The following PCDH11X variants were observed in gnomAD, a reference collection of about 807,000 sequenced individuals.
PCDH11X encodes the protein protocadherin 11 X-linked, also known as protocadherin-11 X-linked.
PCDH11X carries 18 observed loss-of-function variants against 53.3 expected under a neutral mutation model. The ratio of observed to expected loss-of-function variants is 0.34; its 90% CI spans 0.23 to 0.50. The LOEUF (loss-of-function observed/expected upper bound fraction) is 0.50, where lower values mean the gene tolerates loss of function less well. PCDH11X is among the 20% of genes least tolerant of loss of function. The probability of loss-of-function intolerance (pLI) is 0.98; values close to 1 mark genes in which losing one functional copy is unlikely to be tolerated. For missense variants in PCDH11X, 570 were observed against 1,032.4 expected, an observed-to-expected ratio of 0.55 and a Z score of 6.14; for synonymous variants, 279 against 393.3, an observed-to-expected ratio of 0.71 and a Z score of 3.44.
intron 10 of PCDH11X, among the ~76,000 whole-genome samples, chrX:92,575,211 A>T (rs1343125719): frequency 9.1e-6 from 1 of 110,428 alleles, no homozygotes; most frequent in Non-Finnish European, 1.9e-5. Flanking sequence ...AAATAAACAA[A>T]TGCATAGTTT....
At chrX:92,506,636 GTT>G (rs201535023) in intron 10 of PCDH11X, among the ~76,000 whole-genome samples, 29 of 89,205 alleles carry the variant, frequency 3.3e-4, no homozygotes, top group Admixed American at 7.4e-4. Context: ...CAGTTTGCTA[GTT>G]TTTTTTTTTT....
At chrX:91,844,596 T>A (rs1170573925) in intron 5 of PCDH11X, among the ~76,000 whole-genome samples, 1 of 109,859 alleles carries the variant, frequency 9.1e-6, no homozygotes, top group Admixed American at 1.0e-4. Flanking sequence ...GACTGTTTTT[T>A]TTTTCCAGTA....
chrX:92,101,246 G>C (rs1461040907), intron 6 of PCDH11X, among the ~76,000 whole-genome samples: 1 of 111,120 alleles, frequency 9.0e-6, no homozygotes, highest in Admixed American at 9.6e-5. Context: ...AAAATAGTAG[G>C]GATGACAAGT....
At chrX:92,548,036 AAGG>A (rs2074888535) in intron 10 of PCDH11X, among the ~76,000 whole-genome samples, 2 of 110,589 alleles carry the variant, frequency 1.8e-5, no homozygotes, top group South Asian at 7.8e-4. Context: ...CCTTTTTAAA[AAGG>A]AGATGATCTG....
At chrX:92,104,069 TA>T (rs1456342749) in intron 6 of PCDH11X, among the ~76,000 whole-genome samples, 1 of 111,482 alleles carries the variant, frequency 9.0e-6, no homozygotes. Context: ...GCCTAAACAC[TA>T]TCTGATTTGG....
At chrX:92,090,141 G>A (rs954701546) in intron 6 of PCDH11X, among the ~76,000 whole-genome samples, 2 of 110,930 alleles carry the variant, frequency 1.8e-5, no homozygotes, top group Non-Finnish European at 3.8e-5. Context: ...AATAGATTCC[G>A]TTCATGAGGA....
intron 6 of PCDH11X, among the ~76,000 whole-genome samples, chrX:92,072,931 T>A (rs1351445582): frequency 2.7e-5 from 3 of 111,269 alleles, no homozygotes; most frequent in African/African-American, 9.8e-5. Context: ...TAGAGCACGT[T>A]AGCTTGTGGT....
rs190257163 is a variant in PCDH11X, at chrX:92,223,622, G to T, written c.3114+22167G>T. Reference sequence around the variant, plus strand: ...CATAAGAACTTGGGCTTTGAGGTCAGATAATTTTGGGTTTGAATACCAATG... The same window carrying T: ...CATAAGAACTTGGGCTTTGAGGTCATATAATTTTGGGTTTGAATACCAATG... On this transcript the variant is annotated intron_variant, in intron 7 of 10. Coordinates refer to ENST00000682573, the MANE Select transcript of PCDH11X (RefSeq NM_032968.5). 2.7e-5 allele frequency among the ~76,000 whole-genome samples: 3 copies of T among 112,051 alleles called. No individual in the cohort carries two copies. In the East Asian group the frequency reaches 8.4e-4, roughly 32 times the overall value.
At chrX:92,507,962 G>A (rs5942269) in intron 10 of PCDH11X, among the ~76,000 whole-genome samples, 13,367 of 108,204 alleles carry the variant, frequency 0.12, 676 homozygotes, top group African/African-American at 0.19. Context: ...ACAGGCGCCC[G>A]CCACCATACA....
At chrX:92,014,793 C>A (rs763990489) in intron 6 of PCDH11X, among the ~76,000 whole-genome samples, 6 of 111,238 alleles carry the variant, frequency 5.4e-5, no homozygotes, top group South Asian at 7.6e-4. Context: ...GGAGAAAAAA[C>A]CAAACACCGC....
chrX:92,571,536 C>T lies in PCDH11X; in HGVS notation c.3368-46728C>T, dbSNP rs1238921194. Among the ~76,000 whole-genome samples the T allele has an allele frequency of 1.3e-4, 14 of 107,515 alleles. 1 individual carries two copies. The East Asian group carries it at 4.0e-3, about 31-fold the overall frequency. The allele number at this position is 107,515 out of a possible 115,157, so 93.4% of individuals were successfully genotyped here. Reference sequence around the variant, plus strand: ...GTGTGGAGTTTGTTGGAGCATAACTCAAAATTGTATGCAAAGAAAGCAGTC... The same window carrying T: ...GTGTGGAGTTTGTTGGAGCATAACTTAAAATTGTATGCAAAGAAAGCAGTC... On this transcript the variant is annotated intron_variant, in intron 10 of 10. Coordinates refer to ENST00000682573, the MANE Select transcript of PCDH11X (RefSeq NM_032968.5).
At chrX:92,107,830 G>C (rs1408069680) in intron 6 of PCDH11X, among the ~76,000 whole-genome samples, 2 of 112,102 alleles carry the variant, frequency 1.8e-5, no homozygotes, top group Non-Finnish European at 3.8e-5. Context: ...ATGGGCCATG[G>C]TCACTCATAT....
chrX:92,315,341 A>G (rs1603268022), intron 8 of PCDH11X, among the ~76,000 whole-genome samples: 1 of 111,475 alleles, frequency 9.0e-6, no homozygotes. Context: ...AGATATTTAA[A>G]ACCTTCTTTT....
In PCDH11X at chrX:92,045,769, G is replaced by A. The variant is rs370771507; in HGVS notation, c.3034-155606G>A. On this transcript the variant is annotated intron_variant, in intron 6 of 10. Coordinates refer to ENST00000682573, the MANE Select transcript of PCDH11X (RefSeq NM_032968.5). ...AGCCTGGCCAACATGGTGAAACCCC[G>A]ACTCTACTAAAAATACAAAAATCAG... 4.4e-4 allele frequency among the ~76,000 whole-genome samples: 47 copies of A among 107,939 alleles called. No homozygotes were observed. In the East Asian group the frequency reaches 8.5e-3, roughly 20 times the overall value. The allele number at this position is 107,939 out of a possible 115,157, so 93.7% of individuals were successfully genotyped here. A position where few individuals can be genotyped will look rare whatever the true frequency, so the allele number is the denominator to read the frequency against.
In PCDH11X at chrX:92,304,548, G is replaced by A. The variant is rs189812517; in HGVS notation, c.3144+41405G>A. ...AATTCAAAGTAAAATAGACAATATTGTATAAGAAAAACACTAGTCTTAGGA... is the reference window on the plus strand; with the variant it reads ...AATTCAAAGTAAAATAGACAATATTATATAAGAAAAACACTAGTCTTAGGA... On this transcript the variant is annotated intron_variant, in intron 8 of 10. Transcript: ENST00000682573. 7.7e-4 allele frequency among the ~76,000 whole-genome samples: 86 copies of A among 111,684 alleles called. 3 individuals are homozygous for A. In the East Asian group the frequency reaches 0.014, roughly 18 times the overall value.
At chrX:92,610,903 G>A (rs1927297740) in intron 10 of PCDH11X, among the ~76,000 whole-genome samples, 1 of 111,398 alleles carries the variant, frequency 9.0e-6, no homozygotes, top group Non-Finnish European at 1.9e-5. Flanking sequence ...TTAGATGGCT[G>A]TAGGTGTGCA....
Position 92,168,648 on chromosome X carries a change from A to G in PCDH11X, c.3034-32727A>G, listed in dbSNP as rs745383741. Among the ~76,000 whole-genome samples the G allele has an allele frequency of 1.0e-3, 116 of 111,989 alleles. No individual in the cohort carries two copies. The South Asian group carries it at 0.015, about 14-fold the overall frequency. ...CATGTGTGTCTTTTCTTTGTGATTAAAAGGATGAAGAATCAGTTTTCCATT... is the reference window on the plus strand; with the variant it reads ...CATGTGTGTCTTTTCTTTGTGATTAGAAGGATGAAGAATCAGTTTTCCATT... On this transcript the variant is annotated intron_variant, in intron 6 of 10. Coordinates refer to ENST00000682573, the MANE Select transcript of PCDH11X (RefSeq NM_032968.5).
intron 10 of PCDH11X, among the ~76,000 whole-genome samples, chrX:92,545,512 G>C (rs1215587293): frequency 4.8e-5 from 5 of 104,726 alleles, no homozygotes; most frequent in Non-Finnish European, 7.7e-5. Flanking sequence ...TGTGATTCTC[G>C]TGCCTCAGGC....
chrX:92,077,566 G>T (rs2063791924), intron 6 of PCDH11X, among the ~76,000 whole-genome samples: 2 of 109,162 alleles, frequency 1.8e-5, no homozygotes, highest in Non-Finnish European at 3.8e-5. Context: ...TTCTACAGCA[G>T]GCCTCATTCC....
Sources: gnomAD v4.1 joint callset for allele counts (sites outside exome capture counted in the v4.1 genomes callset) on GRCh38, gnomAD v4.1.1 for gene constraint, MANE v1.5 for transcripts, NCBI Gene and HGNC (gene_info 2026-07-23, HGNC 2026-07-21) for gene names.